Variants in DAB1 observed in about 807,000 individuals in gnomAD.
DAB1 encodes the protein DAB adaptor protein 1, also known as disabled homolog 1.
DAB1 carries 15 observed loss-of-function variants against 64.6 expected under a neutral mutation model. That is an observed-to-expected ratio of 0.23 (90% CI 0.16 to 0.36). DAB1 has a LOEUF of 0.36. Among genes scored for constraint, DAB1 ranks in the 10% least tolerant of loss-of-function variants. The pLI is 1.00. For synonymous variants in DAB1, 235 were observed against 251.9 expected (o/e 0.93, Z 0.64); for missense variants, 596 against 706.7 (o/e 0.84, Z 1.78).
chr1:58,387,706 T>C (rs1644444091), intron 3 of DAB1, among the ~76,000 whole-genome samples: 1 of 137,324 alleles, frequency 7.3e-6, no homozygotes. Flanking sequence ...GAGGGCATCT[T>C]TTTTTCTTTT....
intron 3 of DAB1, among the ~76,000 whole-genome samples, chr1:58,452,222 C>T (rs550264434): frequency 1.3e-5 from 2 of 152,062 alleles, no homozygotes; most frequent in South Asian, 4.2e-4. Context: ...GCGTGAGCCA[C>T]TGCACCTGGC....
intron 5 of DAB1, among the ~76,000 whole-genome samples, chr1:58,144,423 T>C (rs1654475346): frequency 6.6e-6 from 1 of 152,232 alleles, no homozygotes; most frequent in African/African-American, 2.4e-5. Flanking sequence ...GTTTAGAAAA[T>C]GCTTTTTACA....
intron 5 of DAB1, among the ~76,000 whole-genome samples, chr1:57,973,218 A>C (rs1356316010): frequency 6.6e-6 from 1 of 152,174 alleles, no homozygotes; most frequent in Non-Finnish European, 1.5e-5. Flanking sequence ...ATTGGCCTTG[A>C]AGATTGAAAT....
rs377503472 is a variant in DAB1 at position 58,098,232 on chromosome 1, G to C, written n.387+52279C>G. 2.0e-5 allele frequency among the ~76,000 whole-genome samples: 3 copies of C among 152,222 alleles called. No homozygotes were observed. The East Asian group carries it at 5.8e-4, about 29-fold the overall frequency. ...GGAAACGGATGGCACACTCAAATTGGGTAACACGAAGGGAGTTTAACAGAA... is the reference window on the plus strand; with the variant it reads ...GGAAACGGATGGCACACTCAAATTGCGTAACACGAAGGGAGTTTAACAGAA... On this transcript the variant is annotated intron_variant and non_coding_transcript_variant, in intron 5 of 20. Coordinates refer to the DAB1 transcript ENST00000485760.
At chr1:57,752,750 T>G (rs894367800) in intron 6 of DAB1, among the ~76,000 whole-genome samples, 9 of 152,194 alleles carry the variant, frequency 5.9e-5, no homozygotes, top group Non-Finnish European at 1.2e-4. Context: ...TTATGCTGTT[T>G]GAGCCTCCCC....
chr1:57,382,632 T>C lies in DAB1; in HGVS notation c.-137+41298A>G, dbSNP rs114754806. On this transcript the variant is annotated intron_variant, in intron 1 of 14. Coordinates refer to ENST00000371236, the MANE Select transcript of DAB1 (RefSeq NM_001365792.1). Reference sequence around the variant, plus strand: ...TAAAAGCCACTGATTCTTTGACTTGTGGCCCTTTTCTCACATCTACAAAGC... The same window carrying C: ...TAAAAGCCACTGATTCTTTGACTTGCGGCCCTTTTCTCACATCTACAAAGC... Among the ~76,000 whole-genome samples, 1,163 of 152,290 alleles carry C rather than the reference T, an allele frequency of 7.6e-3. 12 individuals carry two copies. Among genetic ancestry groups the C allele is most frequent in the African/African-American group, 0.026 (1,085 of 41,548 alleles).
intron 7 of DAB1, among the ~76,000 whole-genome samples, chr1:57,563,890 G>T (rs1476385608): frequency 6.6e-6 from 1 of 152,192 alleles, no homozygotes; most frequent in Non-Finnish European, 1.5e-5. Flanking sequence ...AAAAGGCAGA[G>T]AAACCTCTGC....
At chr1:58,473,711 C>T (rs1470370077) in intron 3 of DAB1, 4 of 395,818 alleles carry the variant, frequency 1.0e-5, no homozygotes, top group Non-Finnish European at 9.2e-6. Flanking sequence ...TATTATTGCT[C>T]TTGTTACTGC....
At chr1:57,692,971 A>G (rs894051462) in intron 6 of DAB1, among the ~76,000 whole-genome samples, 12 of 151,894 alleles carry the variant, frequency 7.9e-5, no homozygotes, top group East Asian at 1.9e-4. Flanking sequence ...TCTAGGTCCC[A>G]TAACAGCCAT....
chr1:57,891,875 A>T (rs1298995437), intron 5 of DAB1, among the ~76,000 whole-genome samples: 1 of 152,196 alleles, frequency 6.6e-6, no homozygotes, highest in Non-Finnish European at 1.5e-5. Flanking sequence ...GGATAGCATT[A>T]GGAGAAATAT....
At chr1:57,699,467 T>G (rs1406410310) in intron 6 of DAB1, among the ~76,000 whole-genome samples, 1 of 152,190 alleles carries the variant, frequency 6.6e-6, no homozygotes, top group Non-Finnish European at 1.5e-5. Context: ...AATATACATT[T>G]TGTAAATATC....
intron 4 of DAB1, among the ~76,000 whole-genome samples, chr1:58,245,144 C>T (rs1037728354): frequency 2.6e-5 from 4 of 152,170 alleles, no homozygotes; most frequent in East Asian, 1.9e-4. Flanking sequence ...TATCTCTTAA[C>T]GAAACTGTCC....
rs936368164 is a variant in DAB1, at chr1:58,293,019, C to T, written n.309+50333G>A. Among the ~76,000 whole-genome samples, 4 of 152,110 alleles carry T rather than the reference C, an allele frequency of 2.6e-5. 1 individual carries two copies. Among genetic ancestry groups the T allele is most frequent in the African/African-American group, 9.7e-5 (4 of 41,414 alleles). Reference sequence around the variant, plus strand: ...TGAGGTGAAATTGAGGTAGAGTTTCCTCCCAAAGATTGCACAGTGAGGCAA... The same window carrying T: ...TGAGGTGAAATTGAGGTAGAGTTTCTTCCCAAAGATTGCACAGTGAGGCAA... On this transcript the variant is annotated intron_variant and non_coding_transcript_variant, in intron 4 of 20. Transcript: ENST00000485760.
intron 1 of DAB1, among the ~76,000 whole-genome samples, chr1:57,359,963 T>C (rs925790535): frequency 1.3e-5 from 2 of 151,872 alleles, no homozygotes; most frequent in African/African-American, 2.4e-5. Flanking sequence ...GATGGGGCAA[T>C]ATTGGTCAAA....
At chr1:57,965,865 C>A (rs1475573879) in intron 5 of DAB1, among the ~76,000 whole-genome samples, 1 of 152,102 alleles carries the variant, frequency 6.6e-6, no homozygotes, top group Non-Finnish European at 1.5e-5. Context: ...TGGAAGACTT[C>A]CATGTACTTG....
chr1:58,542,990 T>A (rs534026743), intron 1 of DAB1, among the ~76,000 whole-genome samples: 2,377 of 145,298 alleles, frequency 0.016, 23 homozygotes, highest in South Asian at 0.026. Context: ...AAAGCTTTTT[T>A]AAAAAAAAAA....
intron 1 of DAB1, among the ~76,000 whole-genome samples, chr1:57,393,501 G>T (rs1350473703): frequency 6.6e-6 from 1 of 151,988 alleles, no homozygotes; most frequent in Admixed American, 6.6e-5. Context: ...AGACCAGCCT[G>T]GGCAACATGG....
At chr1:57,740,163 G>T (rs184832147) in intron 6 of DAB1, among the ~76,000 whole-genome samples, 1 of 152,066 alleles carries the variant, frequency 6.6e-6, no homozygotes, top group East Asian at 1.9e-4. Context: ...GCAATGAGCC[G>T]AGATTATGCC....
intron 1 of DAB1, among the ~76,000 whole-genome samples, chr1:57,406,033 G>T (rs558443892): frequency 6.6e-6 from 1 of 152,158 alleles, no homozygotes; most frequent in Admixed American, 6.5e-5. Context: ...CTGCCACCCC[G>T]CCACTTTATG....
Sources: gnomAD v4.1 joint callset for allele counts (sites outside exome capture counted in the v4.1 genomes callset) on GRCh38, gnomAD v4.1.1 for gene constraint, MANE v1.5 for transcripts, NCBI Gene and HGNC (gene_info 2026-07-23, HGNC 2026-07-21) for gene names.